DPYSL2: variants seen among roughly 807,000 people sequenced by gnomAD.
DPYSL2 encodes dihydropyrimidinase like 2.
Under a neutral mutation model 69.9 loss-of-function variants are expected in DPYSL2, and 13 were observed. The ratio of observed to expected loss-of-function variants is 0.19; its 90% CI spans 0.12 to 0.30. DPYSL2 has a LOEUF of 0.30. Among genes scored for constraint, DPYSL2 ranks in the 10% least tolerant of loss-of-function variants. The pLI is 1.00. For synonymous variants in DPYSL2, 326 were observed against 359.1 expected, an observed-to-expected ratio of 0.91 and a Z score of 1.04; for missense variants, 587 against 918.9, an observed-to-expected ratio of 0.64 and a Z score of 4.67.
intron 1 of DPYSL2, among the ~76,000 whole-genome samples, chr8:26,566,501 A>C (rs1320246202): frequency 6.6e-6 from 1 of 152,188 alleles, no homozygotes; most frequent in Non-Finnish European, 1.5e-5. Flanking sequence ...ACTTGATTAC[A>C]AACTGAACAG....
rs1055332197 is a variant in DPYSL2 at position 26,643,893 on chromosome 8, G to A, written c.1284-57G>A. On this transcript the variant is annotated intron_variant, in intron 9 of 13. Transcript: ENST00000521913. This position sits in a 1 kb window ranked among gnomAD's most constrained non-coding sequence, Gnocchi z 6.5. ...TCATGAGACAGCCCACCAAATAGGT[G>A]TAGGCGCACAGCATCTTGACGAAGC... 3.8e-6 allele frequency: 6 copies of A among 1,572,982 alleles called. No individual in the cohort carries two copies. Among genetic ancestry groups the A allele is most frequent in the Admixed American group, 1.8e-5 (1 of 56,018 alleles).
chr8:26,544,143 G>A (rs994047671), intron 1 of DPYSL2, among the ~76,000 whole-genome samples: 3 of 152,082 alleles, frequency 2.0e-5, no homozygotes, highest in South Asian at 2.1e-4. Context: ...ATATGCTGGC[G>A]ACCTCTTTAA....
chr8:26,608,830 T>C (rs1179659145), intron 3 of DPYSL2, among the ~76,000 whole-genome samples: 8 of 152,192 alleles, frequency 5.3e-5, no homozygotes, highest in South Asian at 2.1e-4. Context: ...AAAACACCCA[T>C]CAAATTATGT....
Position 26,643,377 on chromosome 8 carries a change from TA to T in DPYSL2, c.1127-61del, listed in dbSNP as rs1803094580. ...CTGCTGGGCAGGCAGTGGCTCCTCA[TA>T]GGGGTGGTTCCCTTCCCCCTGCATT... is the stretch of plus-strand genomic sequence containing the variant. On this transcript the variant is annotated intron_variant, in intron 8 of 13. Coordinates refer to ENST00000521913, the MANE Select transcript of DPYSL2 (RefSeq NM_001197293.3). This position sits in a 1 kb window ranked among gnomAD's most constrained non-coding sequence, Gnocchi z 6.5. The T allele has an allele frequency of 6.6e-7, 1 of 1,514,028 alleles. No individual in the cohort carries two copies. The highest frequency in any genetic ancestry group is 2.2e-5 in the Admixed American group (1 of 45,504). 93.8% of individuals were successfully genotyped at this position (1,514,028 alleles called of 1,614,324 possible). A position where few individuals can be genotyped will look rare whatever the true frequency, so the allele number is the denominator to read the frequency against.
At chr8:26,559,550 A>T (rs547755630) in intron 1 of DPYSL2, among the ~76,000 whole-genome samples, 4 of 152,234 alleles carry the variant, frequency 2.6e-5, no homozygotes, top group African/African-American at 9.6e-5. Context: ...AAAGTTAAAC[A>T]TATTTTCTTG....
At chr8:26,655,414 T>A (rs761378034) in intron 13 of DPYSL2, among the ~76,000 whole-genome samples, 3 of 152,090 alleles carry the variant, frequency 2.0e-5, no homozygotes, top group Non-Finnish European at 4.4e-5. Context: ...GAGGATGGCT[T>A]AAGCCCAGGA....
intron 1 of DPYSL2, among the ~76,000 whole-genome samples, chr8:26,561,721 AG>A (rs1379269667): frequency 6.6e-6 from 1 of 152,194 alleles, no homozygotes; most frequent in Non-Finnish European, 1.5e-5. Flanking sequence ...TCAGATCATC[AG>A]GGCCTTCGTC....
intron 13 of DPYSL2, 54 bp from the exon 14 acceptor site, chr8:26,655,561 C>T: frequency 6.9e-7 from 1 of 1,456,056 alleles, no homozygotes; most frequent in South Asian, 1.3e-5. Context: ...CAAGCAGGAT[C>T]TTGTGTGACT....
rs897964270 is a variant in DPYSL2 at position 26,626,349 on chromosome 8, C to T, written c.794-268C>T. Among the ~76,000 whole-genome samples, 1 of 152,142 alleles carries T rather than the reference C, an allele frequency of 6.6e-6. No homozygotes were observed. The highest frequency in any genetic ancestry group is 1.5e-5 in the Non-Finnish European group (1 of 68,018). ...TAATTTTGATATACTTGTAAACTTA[C>T]AGGAAGATTATAAGAATACTAAAAA... On this transcript the variant is annotated intron_variant, in intron 4 of 13. Coordinates refer to ENST00000521913, the MANE Select transcript of DPYSL2 (RefSeq NM_001197293.3). This position sits in a 1 kb window ranked among gnomAD's most constrained non-coding sequence, Gnocchi z 4.3.
In DPYSL2 at chr8:26,653,412, T is replaced by TG; in HGVS notation, c.1942+19dup. 1 of 1,609,062 alleles carries TG rather than the reference T, an allele frequency of 6.2e-7. No individual in the cohort carries two copies. The highest frequency in any genetic ancestry group is 1.1e-5 in the South Asian group (1 of 90,286). ...CAGTTTGTCTGGTAGGGTTGGGGCT[T>TG]GGGGAGGGCACAGTTCTGCAGGGCC... On this transcript the variant is annotated intron_variant, in intron 13 of 13. Transcript: ENST00000521913. The surrounding 1 kb of genome is among the most constrained non-coding windows in gnomAD (Gnocchi z 5.7).
chr8:26,620,871 G>C lies in DPYSL2; in HGVS notation c.629-3272G>C, dbSNP rs1802464867. Among the ~76,000 whole-genome samples the C allele has an allele frequency of 6.6e-6, 1 of 152,090 alleles. No homozygotes were observed. The highest frequency in any genetic ancestry group is 2.1e-4 in the South Asian group (1 of 4,822). On this transcript the variant is annotated intron_variant, in intron 3 of 13. Transcript: ENST00000521913. The surrounding 1 kb of genome is among the most constrained non-coding windows in gnomAD (Gnocchi z 4.5). ...AACTCTAAATTTAGCCAATGTATAA[G>C]ACTAAATGTCAAGTATTTATCTATA...
chr8:26,634,428 CTTTTTT>C (rs55746168), intron 7 of DPYSL2, among the ~76,000 whole-genome samples: 2 of 91,170 alleles, frequency 2.2e-5, no homozygotes, highest in East Asian at 3.8e-4. Context: ...CCATGCCCAG[CTTTTTT>C]TTTTTTTTTT....
intron 1 of DPYSL2, among the ~76,000 whole-genome samples, chr8:26,558,786 T>C (rs924545502): frequency 1.3e-5 from 2 of 152,310 alleles, no homozygotes; most frequent in Admixed American, 6.5e-5. Flanking sequence ...AGTCTATTAA[T>C]TTAAAAAGAT....
rs531683810 is a variant in DPYSL2 at position 26,554,178 on chromosome 8, G to A, written c.355-27791G>A. On this transcript the variant is annotated intron_variant, in intron 1 of 13. Transcript: ENST00000521913. ...GCTAGGATTACAGGCATGAGCTACC[G>A]TGCCTGGCCATTTTTTGGCTTTTTA... 8.5e-5 allele frequency among the ~76,000 whole-genome samples: 13 copies of A among 152,138 alleles called. No individual in the cohort carries two copies. In the South Asian group the frequency reaches 1.9e-3, roughly 22 times the overall value.
In DPYSL2 at chr8:26,624,079, A is replaced by G. The variant is rs1802561225; in HGVS notation, c.629-64A>G. On this transcript the variant is annotated intron_variant, in intron 3 of 13. Coordinates refer to ENST00000521913, the MANE Select transcript of DPYSL2 (RefSeq NM_001197293.3). This position sits in a 1 kb window ranked among gnomAD's most constrained non-coding sequence, Gnocchi z 4.7. ...CCTTATTCAGGGTTCAAGTGGGAAA[A>G]TACCTGCTGGCCCACGGCCCTTGAG... 1.1e-5 allele frequency: 18 copies of G among 1,581,840 alleles called. No homozygotes were observed. The highest frequency in any genetic ancestry group is 1.8e-4 in the Middle Eastern group (1 of 5,658).
intron 1 of DPYSL2, among the ~76,000 whole-genome samples, chr8:26,544,382 T>A (rs993770340): frequency 5.3e-5 from 8 of 152,232 alleles, no homozygotes; most frequent in Non-Finnish European, 1.0e-4. Flanking sequence ...ATCATTCAAT[T>A]TCCAAAAGAC....
chr8:26,602,746 A>G (rs1802020505), intron 3 of DPYSL2, among the ~76,000 whole-genome samples: 1 of 152,368 alleles, frequency 6.6e-6, no homozygotes, highest in East Asian at 1.9e-4. Context: ...AGAAGTACAG[A>G]TAAGGTCCTC....
In DPYSL2 at chr8:26,591,016, A is replaced by G. The variant is rs537031101; in HGVS notation, c.628+7033A>G. 1.3e-5 allele frequency among the ~76,000 whole-genome samples: 2 copies of G among 152,172 alleles called. No homozygotes were observed. The highest frequency in any genetic ancestry group is 2.9e-5 in the Non-Finnish European group (2 of 68,030). On this transcript the variant is annotated intron_variant, in intron 3 of 13. Coordinates refer to ENST00000521913, the MANE Select transcript of DPYSL2 (RefSeq NM_001197293.3). The surrounding 1 kb of genome is among the most constrained non-coding windows in gnomAD (Gnocchi z 5.8). The stretch of plus-strand genomic sequence containing the variant: ...ATTGTGGCAGTTATCATACTGTCCC[A>G]GGGTTTCTTGCCCCCACCTGGCCCT...
At chr8:26,573,221 G>A (rs1801268100) in intron 1 of DPYSL2, among the ~76,000 whole-genome samples, 2 of 152,184 alleles carry the variant, frequency 1.3e-5, no homozygotes, top group Non-Finnish European at 2.9e-5. Flanking sequence ...CAAGAAGGAA[G>A]GCCCGGCAAA....
Sources: gnomAD v4.1 joint callset for allele counts (sites outside exome capture counted in the v4.1 genomes callset) on GRCh38, gnomAD v4.1.1 for gene constraint, Gnocchi (gnomAD v3.1) non-coding constraint, MANE v1.5 for transcripts, NCBI Gene and HGNC (gene_info 2026-07-23, HGNC 2026-07-21) for gene names.